PTPRG: variants seen among roughly 807,000 people sequenced by gnomAD.
The protein encoded by PTPRG is protein tyrosine phosphatase receptor type G.
PTPRG carries 102 observed loss-of-function variants against 165.3 expected under a neutral mutation model. That is an observed-to-expected ratio of 0.62 (90% CI 0.53 to 0.73). The LOEUF is 0.73. PTPRG is among the 30% of genes least tolerant of loss of function. The probability of loss-of-function intolerance (pLI) is 0.00; values close to 1 mark genes in which losing one functional copy is unlikely to be tolerated. For synonymous variants in PTPRG, 675 were observed against 669.5 expected (o/e 1.01, Z -0.13); for missense variants, 1,866 against 1,861.4 (o/e 1.00, Z -0.05).
chr3:61,671,013 T>C (rs1197318324), intron 1 of PTPRG, among the ~76,000 whole-genome samples: 1 of 151,830 alleles, frequency 6.6e-6, no homozygotes, highest in African/African-American at 2.4e-5. Flanking sequence ...TTTGAGAACA[T>C]GGTAGTGCCC....
intron 2 of PTPRG, among the ~76,000 whole-genome samples, chr3:61,977,796 T>C (rs2040543636): frequency 6.6e-6 from 1 of 152,246 alleles, no homozygotes; most frequent in Non-Finnish European, 1.5e-5. Context: ...TTTACAGAGA[T>C]ACTGTATGCA....
At chr3:61,762,713 T>G (rs1297879270) in intron 2 of PTPRG, among the ~76,000 whole-genome samples, 1 of 152,138 alleles carries the variant, frequency 6.6e-6, no homozygotes, top group Non-Finnish European at 1.5e-5. Flanking sequence ...TATAAGGATT[T>G]GTTTTTGGAT....
intron 5 of PTPRG, among the ~76,000 whole-genome samples, chr3:62,129,065 C>T (rs112316398): frequency 6.6e-5 from 10 of 152,218 alleles, no homozygotes; most frequent in African/African-American, 1.9e-4. Flanking sequence ...TCAACCCCAG[C>T]CATATTAACC....
At chr3:61,921,683 A>G in intron 2 of PTPRG, among the ~76,000 whole-genome samples, 1 of 152,354 alleles carries the variant, frequency 6.6e-6, no homozygotes, top group South Asian at 2.1e-4. Context: ...TGGCTCTCAC[A>G]TTTAGACTCA....
At chr3:62,144,526 G>T (rs1042745823) in intron 6 of PTPRG, among the ~76,000 whole-genome samples, 1 of 152,178 alleles carries the variant, frequency 6.6e-6, no homozygotes, top group Non-Finnish European at 1.5e-5. Context: ...AAAGTTTCCC[G>T]TTTGAAGTTT....
intron 3 of PTPRG, 142 bp from the exon 4 acceptor site, chr3:62,003,207 T>C (rs1293645635): frequency 1.1e-6 from 1 of 894,712 alleles, no homozygotes; most frequent in Non-Finnish European, 1.6e-6. Context: ...TTCAGGCGGG[T>C]GTGTTCAACA....
chr3:62,216,274 A>G (rs1700502179), intron 12 of PTPRG, among the ~76,000 whole-genome samples: 1 of 150,904 alleles, frequency 6.6e-6, no homozygotes, highest in African/African-American at 2.4e-5. Flanking sequence ...GTGATTGTTT[A>G]GGGATATAAG....
rs772212525 is a variant in PTPRG at position 61,738,256 on chromosome 3, TTTTATA to T, written c.86-10620_86-10615del. On this transcript the variant is annotated intron_variant, in intron 1 of 29. Coordinates refer to ENST00000474889, the MANE Select transcript of PTPRG (RefSeq NM_002841.4). ...ATTTAAATAGGGCTTCTTTGTCCAT[TTTTATA>T]TATATATATATATATACATATATAT... is the stretch of plus-strand genomic sequence containing the variant. Among the ~76,000 whole-genome samples the T allele has an allele frequency of 2.6e-3, 109 of 41,260 alleles. 19 individuals carry two copies. Among genetic ancestry groups the T allele is most frequent in the African/African-American group, 5.8e-3 (99 of 17,206 alleles). 27.1% of individuals were successfully genotyped at this position (41,260 alleles called of 152,430 possible).
chr3:61,571,985 G>A (rs1388774056), intron 1 of PTPRG, among the ~76,000 whole-genome samples: 1 of 152,130 alleles, frequency 6.6e-6, no homozygotes, highest in African/African-American at 2.4e-5. Flanking sequence ...TTTTTTTCTG[G>A]AATTTTAGAG....
chr3:61,797,581 A>ACCCCCCCCCC (rs10541580), intron 2 of PTPRG, among the ~76,000 whole-genome samples: 12 of 127,446 alleles, frequency 9.4e-5, no homozygotes, highest in Admixed American at 2.4e-4. Context: ...TTATCTCCAC[A>ACCCCCCCCCC]CCCCCCCCCA....
chr3:61,714,207 C>A (rs1444259305), intron 1 of PTPRG, among the ~76,000 whole-genome samples: 1 of 151,942 alleles, frequency 6.6e-6, no homozygotes, highest in Non-Finnish European at 1.5e-5. Context: ...ATTAACTGAA[C>A]CTTGCATGGT....
rs1443241664 is a variant in PTPRG, at chr3:61,725,749, C to G, written c.86-23129C>G. On this transcript the variant is annotated intron_variant, in intron 1 of 29. Transcript: ENST00000474889. Reference sequence around the variant, plus strand: ...TTTGGCTTGGAATGGCTACTGTGTTCATTGCAAATGACCACAGCACTCCCT... The same window carrying G: ...TTTGGCTTGGAATGGCTACTGTGTTGATTGCAAATGACCACAGCACTCCCT... Among the ~76,000 whole-genome samples the G allele has an allele frequency of 6.9e-5, 10 of 144,356 alleles. No homozygotes were observed. In the Admixed American group the frequency reaches 7.1e-4, roughly 10 times the overall value. The allele number at this position is 144,356 out of a possible 152,430, so 94.7% of individuals were successfully genotyped here.
chr3:61,813,233 C>T (rs537054820), intron 2 of PTPRG, among the ~76,000 whole-genome samples: 46 of 149,956 alleles, frequency 3.1e-4, no homozygotes, highest in Non-Finnish European at 4.6e-4. Flanking sequence ...CAGTGGCTCA[C>T]GCCTGTAATA....
At chr3:61,808,447 T>A (rs2035479183) in intron 2 of PTPRG, among the ~76,000 whole-genome samples, 1 of 151,960 alleles carries the variant, frequency 6.6e-6, no homozygotes, top group Admixed American at 6.6e-5. Context: ...CCCAGATAAA[T>A]CATATGTAGG....
At chr3:62,183,882 T>C (rs1705763572) in intron 8 of PTPRG, among the ~76,000 whole-genome samples, 1 of 152,230 alleles carries the variant, frequency 6.6e-6, no homozygotes, top group Non-Finnish European at 1.5e-5. Flanking sequence ...AGCTTTCCCC[T>C]TTTAAGCTCT....
chr3:61,568,907 CAA>C (rs34433806), intron 1 of PTPRG, among the ~76,000 whole-genome samples: 58,474 of 130,872 alleles, frequency 0.45, 11,700 homozygotes, highest in East Asian at 0.64. Context: ...GACTCCGTCT[CAA>C]AAAAAAAAAA....
At chr3:61,906,183 G>C (rs889431209) in intron 2 of PTPRG, among the ~76,000 whole-genome samples, 2 of 151,794 alleles carry the variant, frequency 1.3e-5, no homozygotes, top group South Asian at 2.1e-4. Flanking sequence ...GGCTGGGCTC[G>C]GTGGCTCATA....
At chr3:61,820,049 G>C (rs1575691157) in intron 2 of PTPRG, among the ~76,000 whole-genome samples, 1 of 152,164 alleles carries the variant, frequency 6.6e-6, no homozygotes, top group East Asian at 1.9e-4. Context: ...TGAGTCATCA[G>C]TAAGCGAACA....
At chr3:61,828,811 A>G (rs2107283954) in intron 2 of PTPRG, among the ~76,000 whole-genome samples, 1 of 152,318 alleles carries the variant, frequency 6.6e-6, no homozygotes, top group Non-Finnish European at 1.5e-5. Flanking sequence ...GGATTATGTG[A>G]AAAGAGGTGA....
Sources: allele counts gnomAD v4.1 joint callset (sites outside exome capture counted in the v4.1 genomes callset), GRCh38; gene constraint gnomAD v4.1.1; transcripts MANE v1.5; gene names NCBI Gene and HGNC (gene_info 2026-07-23, HGNC 2026-07-21).